The following ARMC2 variants were observed in gnomAD, a reference collection of about 807,000 sequenced individuals.
ARMC2 encodes the protein armadillo repeat containing 2, also known as armadillo repeat-containing protein 2.
Under a neutral mutation model 90.3 loss-of-function variants are expected in ARMC2, and 67 were observed. The observed-to-expected ratio is 0.74, with a 90% CI of 0.61 to 0.91. ARMC2 has a LOEUF of 0.91. ARMC2 is among the 40% of genes least tolerant of loss of function. The probability of loss-of-function intolerance (pLI) is 0.00; values close to 1 mark genes in which losing one functional copy is unlikely to be tolerated. For synonymous variants in ARMC2, 393 were observed against 393.0 expected (o/e 1.00, Z 0.00); for missense variants, 920 against 1,030.9 (o/e 0.89, Z 1.47).
At chr6:108,993,022 T>C in the ARMC2 span, 3 of 624,392 alleles carry the variant, frequency 4.8e-6, no homozygotes, top group Non-Finnish European at 5.6e-6. Context: ...TCAACCAAAG[T>C]AGTCTTACAA....
the ARMC2 span, among the ~76,000 whole-genome samples, chr6:109,016,504 C>A: frequency 6.6e-6 from 1 of 152,070 alleles, no homozygotes; most frequent in African/African-American, 2.4e-5. Context: ...GATTCTTAAC[C>A]TGAGCACAAG....
rs143496532 is a variant in ARMC2 at position 108,925,092 on chromosome 6, G to T, written c.1351-2996G>T. ...ATTTTTTATTCTGTGATGGATGGGG[G>T]TTATAGAGGCAGGAACAGGATGCTT... On this transcript the variant is annotated intron_variant, in intron 10 of 17. Transcript: ENST00000392644. Among the ~76,000 whole-genome samples, 40 of 152,290 alleles carry T rather than the reference G, an allele frequency of 2.6e-4. 1 individual carries two copies. The East Asian group carries it at 6.7e-3, about 26-fold the overall frequency.
At chr6:108,944,906 T>C (rs1171052528) in intron 12 of ARMC2, among the ~76,000 whole-genome samples, 1 of 152,086 alleles carries the variant, frequency 6.6e-6, no homozygotes, top group African/African-American at 2.4e-5. Context: ...GGAAACTTCT[T>C]TGGCTCATAT....
the ARMC2 span, among the ~76,000 whole-genome samples, chr6:109,005,474 A>G: frequency 2.6e-5 from 4 of 152,244 alleles, no homozygotes; most frequent in Non-Finnish European, 1.5e-5. Context: ...ACATAGGTTT[A>G]GAAACAAAGA....
chr6:108,980,500 C>G, the ARMC2 span, among the ~76,000 whole-genome samples: 16,793 of 152,096 alleles, frequency 0.11, 1,021 homozygotes, highest in South Asian at 0.18. Context: ...CAGTCTGCTC[C>G]TCCTCAGGAG....
intron 1 of ARMC2, among the ~76,000 whole-genome samples, chr6:108,852,876 C>G (rs139589223): frequency 6.6e-6 from 1 of 151,886 alleles, no homozygotes; most frequent in Non-Finnish European, 1.5e-5. Context: ...TTAGATGTTA[C>G]GGGACTGAAT....
At chr6:108,905,901 CT>C (rs1330091071) in intron 8 of ARMC2, among the ~76,000 whole-genome samples, 2 of 152,220 alleles carry the variant, frequency 1.3e-5, no homozygotes, top group East Asian at 3.9e-4. Context: ...TCAAGGCCAA[CT>C]TCCCATCTAC....
chr6:108,978,500 G>A (rs1779027633), downstream of ARMC2, among the ~76,000 whole-genome samples: 1 of 152,204 alleles, frequency 6.6e-6, no homozygotes, highest in Non-Finnish European at 1.5e-5. Context: ...TTCTGTAGAT[G>A]TCTATTAGGT....
At chr6:109,010,637 TTTTA>T in the ARMC2 span, among the ~76,000 whole-genome samples, 54 of 152,224 alleles carry the variant, frequency 3.5e-4, no homozygotes, top group Admixed American at 5.9e-4. Flanking sequence ...AATGGTTACT[TTTTA>T]TTTATCTCCT....
intron 2 of ARMC2, 118 bp from the exon 3 acceptor site, chr6:108,858,081 C>T (rs1374656309): frequency 1.3e-5 from 8 of 625,058 alleles, no homozygotes; most frequent in Non-Finnish European, 1.8e-5. Flanking sequence ...AATGTTTTTC[C>T]TCATGGTTTA....
chr6:108,918,886 G>C (rs1321232697), intron 10 of ARMC2, among the ~76,000 whole-genome samples: 1 of 152,250 alleles, frequency 6.6e-6, no homozygotes, highest in East Asian at 1.9e-4. Context: ...CAAACCTGAA[G>C]CTTCAAAGAG....
intron 8 of ARMC2, among the ~76,000 whole-genome samples, chr6:108,910,605 G>A (rs758155359): frequency 6.6e-6 from 1 of 152,198 alleles, no homozygotes; most frequent in Non-Finnish European, 1.5e-5. Context: ...GGAAATCAGT[G>A]TATCGAAGAT....
intron 7 of ARMC2, among the ~76,000 whole-genome samples, chr6:108,903,253 T>C (rs1772333216): frequency 1.2e-4 from 2 of 16,716 alleles, no homozygotes; most frequent in Non-Finnish European, 2.3e-3. Flanking sequence ...TAAAATACTC[T>C]CCTTTTTTTA....
Position 108,897,818 on chromosome 6 carries a change from T to G in ARMC2, c.749-1876T>G, listed in dbSNP as rs1186254204. 2.0e-5 allele frequency among the ~76,000 whole-genome samples: 3 copies of G among 152,212 alleles called. No homozygotes were observed. The East Asian group carries it at 5.8e-4, about 29-fold the overall frequency. On this transcript the variant is annotated intron_variant, in intron 6 of 17. Transcript: ENST00000392644. ...TGTTATCTATGGATTTCTCTGCTATTTTCACAGATAATCATCAAGGGACTT... is the reference window on the plus strand; with the variant it reads ...TGTTATCTATGGATTTCTCTGCTATGTTCACAGATAATCATCAAGGGACTT...
At chr6:109,022,050 T>A in the ARMC2 span, among the ~76,000 whole-genome samples, 1 of 120,820 alleles carries the variant, frequency 8.3e-6, no homozygotes, top group East Asian at 2.2e-4. Flanking sequence ...GTGCCAGGCA[T>A]TTTTTTTTTT....
chr6:108,859,191 A>G (rs1394902699), intron 3 of ARMC2, among the ~76,000 whole-genome samples: 5 of 152,084 alleles, frequency 3.3e-5, no homozygotes, highest in Non-Finnish European at 7.3e-5. Flanking sequence ...ATCACCTTCT[A>G]TGTTCAGGCA....
chr6:108,955,872 C>G (rs1340090658), intron 13 of ARMC2, among the ~76,000 whole-genome samples: 1 of 152,200 alleles, frequency 6.6e-6, no homozygotes, highest in Non-Finnish European at 1.5e-5. Context: ...CAGCCCAGGA[C>G]CAGGGATGGG....
chr6:109,010,455 T>C, the ARMC2 span, among the ~76,000 whole-genome samples: 17 of 152,178 alleles, frequency 1.1e-4, no homozygotes, highest in African/African-American at 3.4e-4. Context: ...ACAAAAAAAG[T>C]TGGAACATTC....
At chr6:108,992,030 T>G in the ARMC2 span, among the ~76,000 whole-genome samples, 1 of 152,360 alleles carries the variant, frequency 6.6e-6, no homozygotes, top group Non-Finnish European at 1.5e-5. Context: ...GCCCACATGA[T>G]GTCTTCAATT....
Sources: allele counts gnomAD v4.1 joint callset (sites outside exome capture counted in the v4.1 genomes callset), GRCh38; gene constraint gnomAD v4.1.1; transcripts MANE v1.5; gene names NCBI Gene and HGNC (gene_info 2026-07-23, HGNC 2026-07-21).